Variants in HERC4 observed in about 807,000 individuals in gnomAD.
The protein encoded by HERC4 is HECT and RLD domain containing E3 ubiquitin protein ligase 4.
Under a neutral mutation model 124.3 loss-of-function variants are expected in HERC4, and 28 were observed. That is an observed-to-expected ratio of 0.23 (90% confidence interval 0.17 to 0.31). HERC4 has a LOEUF of 0.31. HERC4 is among the 10% of genes least tolerant of loss of function. HERC4 has a pLI of 1.00. For missense variants in HERC4, 713 were observed against 1,229.3 expected (o/e 0.58, Z 6.28); for synonymous variants, 407 against 421.5 (o/e 0.97, Z 0.42).
At chr10:67,991,723 T>C (rs1313740140) in intron 11 of HERC4, among the ~76,000 whole-genome samples, 2 of 152,124 alleles carry the variant, frequency 1.3e-5, no homozygotes, top group East Asian at 3.8e-4. Flanking sequence ...AATACTCAAG[T>C]CTTCCACAAA....
At chr10:68,049,944 T>A (rs1348250054) in intron 3 of HERC4, among the ~76,000 whole-genome samples, 1 of 152,014 alleles carries the variant, frequency 6.6e-6, no homozygotes, top group Non-Finnish European at 1.5e-5. Context: ...CAGTGGCTTA[T>A]GCCTGTAATC....
At chr10:68,019,503 A>G (rs1159398685) in intron 8 of HERC4, among the ~76,000 whole-genome samples, 1 of 152,166 alleles carries the variant, frequency 6.6e-6, no homozygotes, top group African/African-American at 2.4e-5. Context: ...AGAATTTTCA[A>G]AAATGGAGCT....
In HERC4 at chr10:67,940,955, T is replaced by C. The variant is rs748098770; in HGVS notation, c.2488A>G (p.Met830Val). 1.2e-6 allele frequency: 2 copies of C among 1,611,640 alleles called. No homozygotes were observed. Among genetic ancestry groups the C allele is most frequent in the Non-Finnish European group, 1.7e-6 (2 of 1,179,354 alleles). ...CCAACTAACCTCCCAACATCAGGCA[T>C]TAGTTCTTTCAAATCATCCAAGGAT... ...KPSLDDLKELMPDVGRSMQQL... is the reference protein window; with the variant it reads ...KPSLDDLKELVPDVGRSMQQL... Residue 830 changes from methionine to valine, a missense_variant, in exon 20 of 25, where the codon ATG becomes GTG. Coordinates refer to ENST00000373700, the MANE Select transcript of HERC4 (RefSeq NM_015601.4).
At chr10:68,024,921 G>A (rs2038820804) in intron 8 of HERC4, among the ~76,000 whole-genome samples, 1 of 152,142 alleles carries the variant, frequency 6.6e-6, no homozygotes, top group Admixed American at 6.5e-5. Flanking sequence ...TCAGAATAAG[G>A]AGAATTAGGA....
rs35105661 is a variant in HERC4 at position 68,037,091 on chromosome 10, CTTT to C, written c.463+999_463+1001del. Among the ~76,000 whole-genome samples, 395 of 106,932 alleles carry C rather than the reference CTTT, an allele frequency of 3.7e-3. 3 individuals are homozygous for C. Among genetic ancestry groups the C allele is most frequent in the African/African-American group, 0.014 (363 of 26,200 alleles). The allele number at this position is 106,932 out of a possible 152,430, so 70.2% of individuals were successfully genotyped here. On this transcript the variant is annotated intron_variant, in intron 5 of 24. Transcript: ENST00000373700. ...ATGGAGCAAATGGAACCTATTTCTT[CTTT>C]TTTTTTTTTTTTTTTTTTGAGACAG... is the stretch of plus-strand genomic sequence containing the variant.
At chr10:67,966,372 A>G in intron 16 of HERC4, 1 of 251,224 alleles carries the variant, frequency 4.0e-6, no homozygotes, top group Non-Finnish European at 7.5e-6. Flanking sequence ...CACTGGAGAA[A>G]TAAGAGGCAA....
chr10:67,941,669 CTTTTTTT>C (rs755666986), intron 19 of HERC4, among the ~76,000 whole-genome samples: 12 of 91,762 alleles, frequency 1.3e-4, no homozygotes, highest in Non-Finnish European at 2.1e-4. Context: ...TAAAACACAA[CTTTTTTT>C]TTTTTTTTTT....
chr10:68,018,212 C>T (rs2133182371), intron 8 of HERC4, among the ~76,000 whole-genome samples: 1 of 145,936 alleles, frequency 6.9e-6, no homozygotes, highest in Middle Eastern at 3.5e-3. Context: ...TCCAGAAACA[C>T]AAAGCTGTTA....
chr10:68,012,925 A>G (rs1040260110), intron 9 of HERC4, among the ~76,000 whole-genome samples: 4 of 152,218 alleles, frequency 2.6e-5, no homozygotes, highest in Non-Finnish European at 4.4e-5. Flanking sequence ...GATATAAGAC[A>G]ATGCATGACA....
chr10:67,970,575 G>T (rs1031749350), intron 15 of HERC4, among the ~76,000 whole-genome samples: 2 of 148,740 alleles, frequency 1.3e-5, no homozygotes, highest in Non-Finnish European at 3.0e-5. Flanking sequence ...CTGGGTGACA[G>T]AGCGAGACTC....
At chr10:67,960,861 ACAAG>A (rs2093648622) in intron 16 of HERC4, 1 of 284,022 alleles carries the variant, frequency 3.5e-6, no homozygotes, top group Admixed American at 4.4e-5. Flanking sequence ...TCTAACAAGG[ACAAG>A]CATGGAGAGG....
intron 15 of HERC4, among the ~76,000 whole-genome samples, chr10:67,984,071 G>A (rs1044287435): frequency 2.6e-5 from 4 of 152,146 alleles, no homozygotes; most frequent in African/African-American, 9.7e-5. Flanking sequence ...GGAGGCTGAG[G>A]CAGGTGGATC....
intron 3 of HERC4, among the ~76,000 whole-genome samples, chr10:68,053,310 CT>C (rs201367135): frequency 0.025 from 3,646 of 143,472 alleles, 56 homozygotes; most frequent in Non-Finnish European, 0.037. Flanking sequence ...AAGCACTACA[CT>C]TTTTTTTTTT....
intron 19 of HERC4, among the ~76,000 whole-genome samples, chr10:67,952,840 C>A (rs2033891268): frequency 6.6e-6 from 1 of 151,294 alleles, no homozygotes; most frequent in East Asian, 2.0e-4. Context: ...GCAGAGCTTG[C>A]AGTGAGCCGA....
chr10:68,054,431 G>A (rs560098062), intron 3 of HERC4, among the ~76,000 whole-genome samples: 63 of 150,922 alleles, frequency 4.2e-4, no homozygotes, highest in African/African-American at 1.3e-3. Flanking sequence ...TCAGCTCACG[G>A]CAACCTCCAC....
At chr10:68,042,947 C>T (rs1238201986) in intron 4 of HERC4, among the ~76,000 whole-genome samples, 1 of 152,144 alleles carries the variant, frequency 6.6e-6, no homozygotes, top group African/African-American at 2.4e-5. Flanking sequence ...CCTTAACATA[C>T]AGCTTAAAGT....
At chr10:68,021,025 T>C (rs530837151) in intron 8 of HERC4, among the ~76,000 whole-genome samples, 1 of 144,916 alleles carries the variant, frequency 6.9e-6, no homozygotes, top group African/African-American at 2.6e-5. Flanking sequence ...AGAGAGAGAC[T>C]ATTTGAAGAA....
Position 68,059,888 on chromosome 10 carries a change from C to CATAATATTATATATTATA in HERC4, c.226+12977_226+12994dup, listed in dbSNP as rs2040902264. 1.2e-4 allele frequency among the ~76,000 whole-genome samples: 7 copies of CATAATATTATATATTATA among 57,842 alleles called. 1 individual carries two copies. The highest frequency in any genetic ancestry group is 7.7e-4 in the African/African-American group (7 of 9,098). 37.9% of individuals were successfully genotyped at this position (57,842 alleles called of 152,430 possible). ...TATATATTATAATAATATTATATAT[C>CATAATATTATATATTATA]ATAATATTATATATTATATAATATT... On this transcript the variant is annotated intron_variant, in intron 3 of 24. Transcript: ENST00000373700.
intron 9 of HERC4, among the ~76,000 whole-genome samples, chr10:68,001,432 T>C (rs2037225456): frequency 6.6e-6 from 1 of 152,210 alleles, no homozygotes; most frequent in African/African-American, 2.4e-5. Flanking sequence ...TAGTTTATGA[T>C]TAAAATGTTA....
Sources: allele counts gnomAD v4.1 joint callset (sites outside exome capture counted in the v4.1 genomes callset), GRCh38; gene constraint gnomAD v4.1.1; transcripts MANE v1.5; gene names NCBI Gene and HGNC (gene_info 2026-07-23, HGNC 2026-07-21).